The following PHYHIP variants were observed in gnomAD, a reference collection of about 807,000 sequenced individuals.
The protein encoded by PHYHIP is phytanoyl-CoA hydroxylase-interacting protein.
Under a neutral mutation model 26.1 loss-of-function variants are expected in PHYHIP, and 7 were observed. The observed-to-expected ratio is 0.27, with a 90% CI of 0.15 to 0.50. The LOEUF (loss-of-function observed/expected upper bound fraction) is 0.50. Ranked by LOEUF, PHYHIP falls within the 20% of genes least tolerant of loss-of-function variation. The pLI, the probability that PHYHIP is intolerant of heterozygous loss-of-function variation, is 0.98. For synonymous variants in PHYHIP, 206 were observed against 183.4 expected, an observed-to-expected ratio of 1.12 and a Z score of -1.00; for missense variants, 232 against 454.7, an observed-to-expected ratio of 0.51 and a Z score of 4.45.
intron 4 of PHYHIP, chr8:22,223,823 T>TAATA: frequency 1.2e-5 from 2 of 163,940 alleles, no homozygotes; most frequent in Non-Finnish European, 1.3e-5. Context: ...ACCGACGAGC[T>TAATA]GGGTGCTTCC....
chr8:22,231,144 A>G (rs761845209), intron 1 of PHYHIP, among the ~76,000 whole-genome samples: 4 of 152,124 alleles, frequency 2.6e-5, no homozygotes, highest in Non-Finnish European at 5.9e-5. Context: ...CCCACAGACA[A>G]TGGTTTCTGC....
At position 22,230,946 on chromosome 8, in the gene PHYHIP, G is replaced by A. The variant is rs181079687; in HGVS notation, c.-30+850C>T. Among the ~76,000 whole-genome samples the A allele has an allele frequency of 3.6e-4, 55 of 152,208 alleles. 1 individual carries two copies. Among genetic ancestry groups the A allele is most frequent in the African/African-American group, 1.1e-3 (46 of 41,522 alleles). ...GTGTGCCACCTCCACAAGAAGGCAC[G>A]CAACCCACACGCCTGCCGGCACACA... On this transcript the variant is annotated intron_variant, in intron 1 of 4. Transcript: ENST00000454243.
rs1829876152 is a variant in PHYHIP, at chr8:22,231,899, T to A, written c.-133A>T. The stretch of plus-strand genomic sequence containing the variant: ...AGGGGACAGCAGCCGGACGCCTGGG[T>A]CACGGGCAGTGGCGTGCGCTTGCTC... On this transcript the variant is annotated 5_prime_UTR_variant, in exon 1 of 5. It removes the in-frame stop codon of an upstream open reading frame in the 5' UTR. Coordinates refer to ENST00000454243, the MANE Select transcript of PHYHIP (RefSeq NM_014759.5). 1 of 152,264 alleles carries A rather than the reference T, an allele frequency of 6.6e-6. No homozygotes were observed. Among genetic ancestry groups the A allele is most frequent in the South Asian group, 2.1e-4 (1 of 4,818 alleles). The allele number at this position is 152,264 out of a possible 1,614,324, so 9.4% of individuals were successfully genotyped here.
chr8:22,221,318 C>A lies in PHYHIP; in HGVS notation c.*35G>T. ...GGGCTACCCACCTCCACCTTCCGCT[C>A]ATCTCTCCCTCGCCCCCCAGCTCCC... On this transcript the variant is annotated 3_prime_UTR_variant, in exon 5 of 5. Transcript: ENST00000454243. This position sits in a 1 kb window ranked among gnomAD's most constrained non-coding sequence, Gnocchi z 7.9. The A allele has an allele frequency of 1.3e-6, 2 of 1,524,992 alleles. No homozygotes were observed. The highest frequency in any genetic ancestry group is 1.8e-6 in the Non-Finnish European group (2 of 1,135,506). The allele number at this position is 1,524,992 out of a possible 1,614,324, so 94.5% of individuals were successfully genotyped here. A position where few individuals can be genotyped will look rare whatever the true frequency, so the allele number is the denominator to read the frequency against.
rs142311864 is a variant in PHYHIP at position 22,225,948 on chromosome 8, G to C, written c.340+903C>G. ...AGAGGCCCGGGGCTGAGAATGTTCC[G>C]TGTCTCTTCTGTGTGACAGAGAGAT... is the stretch of plus-strand genomic sequence containing the variant. On this transcript the variant is annotated intron_variant, in intron 3 of 4. Transcript: ENST00000454243. 5.9e-5 allele frequency among the ~76,000 whole-genome samples: 9 copies of C among 152,286 alleles called. No homozygotes were observed. In the South Asian group the frequency reaches 1.9e-3, roughly 32 times the overall value.
chr8:22,230,312 A>G (rs966790587), intron 1 of PHYHIP, among the ~76,000 whole-genome samples: 1 of 151,788 alleles, frequency 6.6e-6, no homozygotes, highest in African/African-American at 2.4e-5. Flanking sequence ...TCCCATGAGT[A>G]GGCACCTATT....
In PHYHIP at chr8:22,221,401, G is replaced by A. The variant is rs761089921; in HGVS notation, c.945C>T (p.Ala315=). 3 of 1,609,274 alleles carry A rather than the reference G, an allele frequency of 1.9e-6. No individual in the cohort carries two copies. Among genetic ancestry groups the A allele is most frequent in the East Asian group, 2.2e-5 (1 of 44,758 alleles). Reference sequence around the variant, plus strand: ...AGGTCTTGCAGCTGGGGTCCTTCTTGGCATCGGCAGTAGACAGACTCATGA... The same window carrying A: ...AGGTCTTGCAGCTGGGGTCCTTCTTAGCATCGGCAGTAGACAGACTCATGA... The part of the protein sequence containing the change: ...HQLMSLSTAD[A]KKDPSCKTCN... The change falls in exon 5 of 5, where the codon GCC becomes GCT. Residue 315 remains alanine (A), a synonymous_variant. Coordinates refer to ENST00000454243, the MANE Select transcript of PHYHIP (RefSeq NM_014759.5). The surrounding 1 kb of genome is among the most constrained non-coding windows in gnomAD (Gnocchi z 7.9).
Position 22,221,994 on chromosome 8 carries a change from C to G in PHYHIP, c.459-107G>C. On this transcript the variant is annotated intron_variant, in intron 4 of 4. Coordinates refer to ENST00000454243, the MANE Select transcript of PHYHIP (RefSeq NM_014759.5). This position sits in a 1 kb window ranked among gnomAD's most constrained non-coding sequence, Gnocchi z 7.9. Reference sequence around the variant, plus strand: ...TCGAGGAGGGAGGAAGCCAGCCCAGCTCCCAGCCCTCCCCCAGCCGCCTCC... The same window carrying G: ...TCGAGGAGGGAGGAAGCCAGCCCAGGTCCCAGCCCTCCCCCAGCCGCCTCC... 3.4e-6 allele frequency: 3 copies of G among 894,660 alleles called. No individual in the cohort carries two copies. Among genetic ancestry groups the G allele is most frequent in the Non-Finnish European group, 4.9e-6 (3 of 606,660 alleles). The allele number at this position is 894,660 out of a possible 1,614,324, so 55.4% of individuals were successfully genotyped here.
rs527565264 is a variant in PHYHIP at position 22,221,024 on chromosome 8, G to A, written c.*329C>T. ...GCTTCCCTGGGAGAGCCCAGGAGGT[G>A]GGCAGGTCTTTGGGAGATAGAGACC... On this transcript the variant is annotated 3_prime_UTR_variant, in exon 5 of 5. Transcript: ENST00000454243. The surrounding 1 kb of genome is among the most constrained non-coding windows in gnomAD (Gnocchi z 7.9). 5.8e-4 allele frequency: 159 copies of A among 275,626 alleles called. 2 individuals are homozygous for A. Among genetic ancestry groups the A allele is most frequent in the South Asian group, 1.2e-3 (12 of 10,008 alleles). 17.1% of individuals were successfully genotyped at this position (275,626 alleles called of 1,614,324 possible).
At chr8:22,226,428 CA>C (rs1018695502) in intron 3 of PHYHIP, among the ~76,000 whole-genome samples, 3 of 152,020 alleles carry the variant, frequency 2.0e-5, no homozygotes, top group Admixed American at 2.0e-4. Flanking sequence ...TTTGGTTTTC[CA>C]GGAAGAAAGG....
chr8:22,221,924 A>G lies in PHYHIP; in HGVS notation c.459-37T>C, dbSNP rs770589322. The G allele has an allele frequency of 4.9e-5, 72 of 1,461,034 alleles. No individual in the cohort carries two copies. The highest frequency in any genetic ancestry group is 5.9e-5 in the Non-Finnish European group (65 of 1,103,190). The allele number at this position is 1,461,034 out of a possible 1,614,324, so 90.5% of individuals were successfully genotyped here. On this transcript the variant is annotated intron_variant, in intron 4 of 4. Transcript: ENST00000454243. This position sits in a 1 kb window ranked among gnomAD's most constrained non-coding sequence, Gnocchi z 7.9. ...AGGGAGACACACCAAAGGGAAGAGA[A>G]GATGTGGCTGGTGAGCCGGGCTGAG...
chr8:22,223,575 G>A (rs1040815173), intron 4 of PHYHIP, among the ~76,000 whole-genome samples: 11 of 152,274 alleles, frequency 7.2e-5, no homozygotes, highest in African/African-American at 2.4e-4. Flanking sequence ...TCTTCTGTAG[G>A]CTGAGGGTGT....
chr8:22,225,720 G>A lies in PHYHIP; in HGVS notation c.340+1131C>T, dbSNP rs532807628. Among the ~76,000 whole-genome samples the A allele has an allele frequency of 3.5e-4, 52 of 150,102 alleles. No homozygotes were observed. In the East Asian group the frequency reaches 4.9e-3, roughly 14 times the overall value. On this transcript the variant is annotated intron_variant, in intron 3 of 4. Transcript: ENST00000454243. ...CTCAGGAGGCTGAGGCAGGAGAATC[G>A]CTTGAACCCGGGAGGCGGAGATTGC... is the stretch of plus-strand genomic sequence containing the variant.
In PHYHIP at chr8:22,221,900, G is replaced by A; in HGVS notation, c.459-13C>T. 2.7e-6 allele frequency: 4 copies of A among 1,491,950 alleles called. No homozygotes were observed. Among genetic ancestry groups the A allele is most frequent in the South Asian group, 1.3e-5 (1 of 75,264 alleles). The allele number at this position is 1,491,950 out of a possible 1,614,324, so 92.4% of individuals were successfully genotyped here. A position where few individuals can be genotyped will look rare whatever the true frequency, so the allele number is the denominator to read the frequency against. ...CCCGCAGTGGGTCCTGCCCACCCCAGGGAGACACACCAAAGGGAAGAGAAG... is the reference window on the plus strand; with the variant it reads ...CCCGCAGTGGGTCCTGCCCACCCCAAGGAGACACACCAAAGGGAAGAGAAG... On this transcript the variant is annotated splice_polypyrimidine_tract_variant and intron_variant, in intron 4 of 4. Coordinates refer to ENST00000454243, the MANE Select transcript of PHYHIP (RefSeq NM_014759.5). This position sits in a 1 kb window ranked among gnomAD's most constrained non-coding sequence, Gnocchi z 7.9.
chr8:22,227,094 C>T, intron 2 of PHYHIP, 69 bp from the exon 3 acceptor site: 2 of 1,371,562 alleles, frequency 1.5e-6, no homozygotes, highest in Admixed American at 2.1e-5. Flanking sequence ...GGGCATCACC[C>T]CAGAATCCCC....
intron 3 of PHYHIP, among the ~76,000 whole-genome samples, chr8:22,225,031 C>T (rs1330294622): frequency 6.6e-6 from 1 of 152,142 alleles, no homozygotes; most frequent in African/African-American, 2.4e-5. Flanking sequence ...GCATCCCTGG[C>T]CAGGGTGCTT....
chr8:22,222,285 T>C (rs2131920454), intron 4 of PHYHIP, among the ~76,000 whole-genome samples: 1 of 152,230 alleles, frequency 6.6e-6, no homozygotes, highest in South Asian at 2.1e-4. Context: ...TGCAGGACTC[T>C]TCCCTCTGCT....
In PHYHIP at chr8:22,226,951, G is replaced by T. The variant is rs372962752; in HGVS notation, c.240C>A (p.Pro80=). Residue 80 remains proline (P), a synonymous_variant, in exon 3 of 5, where the codon CCC becomes CCA. Transcript: ENST00000454243. ...GCACGGCCACACTGTACTCCGTGCG[G>T]GGGCTCAGGAACCAGTGGCCTCTCA... ...MTVRGHWFLS[P]RTEYSVAVQT... is the part of the protein sequence containing the mutation. 2.7e-5 allele frequency: 44 copies of T among 1,614,062 alleles called. No individual in the cohort carries two copies. In the East Asian group the frequency reaches 2.9e-4, roughly 11 times the overall value.
rs1563302599 is a variant in PHYHIP at position 22,228,247 on chromosome 8, G to A, written c.111C>T (p.Tyr37=). ...EDSDLERVTH[Y]FIDLNKKENK... ...TCTCCTTCTTGTTAAGGTCAATGAA[G>A]TAATGGGTGACCCTCTCCAGGTCAC... is the stretch of plus-strand genomic sequence containing the variant. The change falls in exon 2 of 5, where the codon TAC becomes TAT. Residue 37 remains tyrosine (Y), a synonymous_variant. Transcript: ENST00000454243. 2.5e-6 allele frequency: 4 copies of A among 1,613,620 alleles called. No individual in the cohort carries two copies. Among genetic ancestry groups the A allele is most frequent in the Non-Finnish European group, 3.4e-6 (4 of 1,179,704 alleles).
Sources: allele counts gnomAD v4.1 joint callset (sites outside exome capture counted in the v4.1 genomes callset), GRCh38; gene constraint gnomAD v4.1.1; non-coding constraint Gnocchi (gnomAD v3.1); transcripts MANE v1.5; gene names NCBI Gene and HGNC (gene_info 2026-07-23, HGNC 2026-07-21).